The following PEX5L variants were observed in gnomAD, a reference collection of about 807,000 sequenced individuals.
PEX5L encodes PEX5-related protein.
A neutral mutation model predicts 84.0 loss-of-function variants in PEX5L; 30 were observed. That is an observed-to-expected ratio of 0.36 (90% confidence interval 0.27 to 0.48). PEX5L has a LOEUF of 0.48. Ranked by LOEUF, PEX5L falls within the 20% of genes least tolerant of loss-of-function variation. The pLI is 0.99. For missense variants in PEX5L, 533 were observed against 754.6 expected, an observed-to-expected ratio of 0.71 and a Z score of 3.44; for synonymous variants, 270 against 283.1, an observed-to-expected ratio of 0.95 and a Z score of 0.46.
intron 1 of PEX5L, among the ~76,000 whole-genome samples, chr3:179,983,148 AATATAC>A (rs1205907422): frequency 6.6e-6 from 1 of 152,004 alleles, no homozygotes; most frequent in African/African-American, 2.4e-5. Context: ...TGCATGCATA[AATATAC>A]ATATTTATAT....
chr3:179,960,481 C>A (rs902656222), intron 2 of PEX5L, among the ~76,000 whole-genome samples: 1 of 152,160 alleles, frequency 6.6e-6, no homozygotes, highest in Admixed American at 6.5e-5. Flanking sequence ...AACATTAGTT[C>A]TCACTATGTA....
chr3:180,005,897 CCTTT>C (rs1788845178), intron 1 of PEX5L, among the ~76,000 whole-genome samples: 3 of 152,196 alleles, frequency 2.0e-5, no homozygotes, highest in South Asian at 2.1e-4. Context: ...AAAAGGTATG[CCTTT>C]CTTTCTTATC....
intron 10 of PEX5L, among the ~76,000 whole-genome samples, chr3:179,814,713 T>C (rs1040556204): frequency 3.9e-5 from 6 of 152,214 alleles, no homozygotes; most frequent in African/African-American, 1.4e-4. Context: ...TCCCAGCCTC[T>C]GTCTCTAATC....
chr3:179,961,700 T>C (rs58566554), intron 2 of PEX5L, among the ~76,000 whole-genome samples: 2 of 152,232 alleles, frequency 1.3e-5, no homozygotes, highest in African/African-American at 4.8e-5. Flanking sequence ...AGTGATAAAA[T>C]TGAATTTATA....
chr3:179,804,611 T>C (rs76396139), intron 14 of PEX5L, among the ~76,000 whole-genome samples: 6,453 of 152,296 alleles, frequency 0.042, 179 homozygotes, highest in Non-Finnish European at 0.066. Context: ...TTTGACTCTT[T>C]ATGGAAAATG....
At chr3:180,031,361 T>A (rs976479040) in intron 1 of PEX5L, among the ~76,000 whole-genome samples, 6 of 152,146 alleles carry the variant, frequency 3.9e-5, no homozygotes, top group African/African-American at 1.4e-4. Flanking sequence ...TAGAAGTGGA[T>A]GAGGTGGGGG....
At chr3:179,895,332 A>G (rs768456385) in intron 3 of PEX5L, among the ~76,000 whole-genome samples, 16 of 152,102 alleles carry the variant, frequency 1.1e-4, no homozygotes, top group Non-Finnish European at 2.1e-4. Context: ...GAGCCACATA[A>G]AGCTCAGTAG....
intron 7 of PEX5L, among the ~76,000 whole-genome samples, 195 bp downstream of exon 7, chr3:179,874,132 C>CATAT (rs10641654): frequency 0.016 from 2,332 of 149,546 alleles, 28 homozygotes; most frequent in South Asian, 0.03. Context: ...TGTAGATATA[C>CATAT]ATATATATAT....
At position 179,853,368 on chromosome 3, in the gene PEX5L, T is replaced by C. The variant is rs1174089255; in HGVS notation, c.822+5694A>G. Among the ~76,000 whole-genome samples the C allele has an allele frequency of 2.0e-5, 3 of 152,204 alleles. No individual in the cohort carries two copies. In the East Asian group the frequency reaches 5.8e-4, roughly 29 times the overall value. On this transcript the variant is annotated intron_variant, in intron 8 of 14. Coordinates refer to ENST00000467460, the MANE Select transcript of PEX5L (RefSeq NM_016559.3). Reference sequence around the variant, plus strand: ...CAGATGCTGGCTGGCTCTCTTTCCCTTCCTGCTAACGTTGATGAAGGAGGT... The same window carrying C: ...CAGATGCTGGCTGGCTCTCTTTCCCCTCCTGCTAACGTTGATGAAGGAGGT...
At chr3:180,030,921 T>A (rs1398921020) in intron 1 of PEX5L, among the ~76,000 whole-genome samples, 1 of 147,460 alleles carries the variant, frequency 6.8e-6, no homozygotes, top group Non-Finnish European at 1.5e-5. Flanking sequence ...GGGATTTTTG[T>A]CTTTTTTTTT....
intron 1 of PEX5L, among the ~76,000 whole-genome samples, chr3:179,984,929 AG>A (rs1322981569): frequency 6.6e-6 from 1 of 152,228 alleles, no homozygotes; most frequent in Non-Finnish European, 1.5e-5. Context: ...AGAGAGAAAA[AG>A]TGCTTTGTCT....
At chr3:179,943,436 G>A (rs1169132601) in intron 2 of PEX5L, among the ~76,000 whole-genome samples, 1 of 152,204 alleles carries the variant, frequency 6.6e-6, no homozygotes, top group African/African-American at 2.4e-5. Flanking sequence ...AGGAAAACTG[G>A]CTTTTAATTC....
chr3:179,853,943 C>G (rs1351451932), intron 8 of PEX5L, among the ~76,000 whole-genome samples: 1 of 150,860 alleles, frequency 6.6e-6, no homozygotes, highest in Non-Finnish European at 1.5e-5. Flanking sequence ...TCCTGAGTAT[C>G]TGGGATGACA....
intron 1 of PEX5L, among the ~76,000 whole-genome samples, chr3:179,993,658 C>G (rs574776251): frequency 7.1e-4 from 108 of 152,158 alleles, no homozygotes; most frequent in African/African-American, 2.3e-3. Flanking sequence ...CACCACCACA[C>G]CCGGCTAATT....
intron 8 of PEX5L, among the ~76,000 whole-genome samples, chr3:179,825,039 A>T (rs1159519701): frequency 6.6e-6 from 1 of 152,260 alleles, no homozygotes; most frequent in African/African-American, 2.4e-5. Context: ...TCAATTGGTC[A>T]GAATTAGTTT....
chr3:180,033,646 G>T (rs1311088244), intron 1 of PEX5L, among the ~76,000 whole-genome samples: 1 of 152,170 alleles, frequency 6.6e-6, no homozygotes, highest in Non-Finnish European at 1.5e-5. Flanking sequence ...CCCTCAATGA[G>T]CAACAGAGTT....
At chr3:179,896,058 C>T (rs1434487282) in intron 3 of PEX5L, 3 of 152,108 alleles carry the variant, frequency 2.0e-5, no homozygotes, top group Non-Finnish European at 4.4e-5. Context: ...TGGTACGATA[C>T]ACGGACTAGA....
intron 3 of PEX5L, among the ~76,000 whole-genome samples, chr3:179,888,614 G>A (rs1364136233): frequency 6.6e-6 from 1 of 150,858 alleles, no homozygotes; most frequent in Non-Finnish European, 1.5e-5. Flanking sequence ...ACACACTTTT[G>A]ATACTCAGGT....
Position 179,991,612 on chromosome 3 carries a change from G to A in PEX5L, c.22-19947C>T, listed in dbSNP as rs1222216913. Reference sequence around the variant, plus strand: ...TCTGGCAGGATGAAGCTCTTTACCTGTGGTTCAGATCTCATTGCCCTCACA... The same window carrying A: ...TCTGGCAGGATGAAGCTCTTTACCTATGGTTCAGATCTCATTGCCCTCACA... On this transcript the variant is annotated intron_variant, in intron 1 of 14. Transcript: ENST00000467460. Among the ~76,000 whole-genome samples the A allele has an allele frequency of 2.6e-5, 4 of 152,064 alleles. No individual in the cohort carries two copies. In the East Asian group the frequency reaches 7.7e-4, roughly 29 times the overall value.
Sources: allele counts gnomAD v4.1 joint callset (sites outside exome capture counted in the v4.1 genomes callset), GRCh38; gene constraint gnomAD v4.1.1; transcripts MANE v1.5; gene names NCBI Gene and HGNC (gene_info 2026-07-23, HGNC 2026-07-21).